Variants in ERC2 observed in about 807,000 individuals in gnomAD.
The protein encoded by ERC2 is ELKS/RAB6-interacting/CAST family member 2.
A neutral mutation model predicts 114.8 loss-of-function variants in ERC2; 42 were observed. The observed-to-expected ratio is 0.37, with a 90% CI of 0.29 to 0.47. The LOEUF is 0.47. Ranked by LOEUF, ERC2 falls within the 20% of genes least tolerant of loss-of-function variation. The pLI is 0.99. For synonymous variants in ERC2, 454 were observed against 425.5 expected (o/e 1.07, Z -0.82); for missense variants, 939 against 1,150.7 (o/e 0.82, Z 2.66).
intron 17 of ERC2, among the ~76,000 whole-genome samples, chr3:55,621,365 A>G (rs1025136931): frequency 1.3e-5 from 2 of 152,216 alleles, no homozygotes; most frequent in African/African-American, 4.8e-5. Context: ...ACACTCCCTC[A>G]TGAAAAGCAA....
intron 7 of ERC2, among the ~76,000 whole-genome samples, chr3:56,078,150 CTCTCT>C (rs1301633968): frequency 6.6e-6 from 1 of 152,188 alleles, no homozygotes; most frequent in Non-Finnish European, 1.5e-5. Context: ...CTCTCCTGAG[CTCTCT>C]TCTAAATTTC....
chr3:56,229,948 C>T (rs1236849021), intron 3 of ERC2, among the ~76,000 whole-genome samples: 2 of 148,346 alleles, frequency 1.3e-5, no homozygotes, highest in Non-Finnish European at 3.0e-5. Flanking sequence ...CTCAGCTCAC[C>T]TCCGCCTTCT....
intron 6 of ERC2, among the ~76,000 whole-genome samples, chr3:56,128,778 T>C (rs916996823): frequency 6.6e-6 from 1 of 152,126 alleles, no homozygotes; most frequent in Admixed American, 6.5e-5. Context: ...CTGACCCTTC[T>C]GGCCCTGGCA....
chr3:55,606,985 T>C (rs2058667500), intron 17 of ERC2: 2 of 152,524 alleles, frequency 1.3e-5, no homozygotes, highest in Admixed American at 6.5e-5. Context: ...ATGAAAATTA[T>C]GAAAATTATA....
At chr3:55,738,391 G>C (rs2065773825) in intron 14 of ERC2, among the ~76,000 whole-genome samples, 1 of 152,122 alleles carries the variant, frequency 6.6e-6, no homozygotes, top group Non-Finnish European at 1.5e-5. Flanking sequence ...ATTATTCTTA[G>C]AAAATATCCT....
intron 4 of ERC2, among the ~76,000 whole-genome samples, chr3:56,164,777 T>G (rs2082240354): frequency 6.6e-6 from 1 of 152,046 alleles, no homozygotes; most frequent in African/African-American, 2.4e-5. Context: ...TCTTTCTTAT[T>G]TTAGCCATCC....
intron 3 of ERC2, among the ~76,000 whole-genome samples, chr3:56,180,726 T>C (rs1157521007): frequency 6.6e-6 from 1 of 152,170 alleles, no homozygotes; most frequent in Non-Finnish European, 1.5e-5. Context: ...TAGAGATTGG[T>C]TGTACAACAA....
At chr3:56,060,135 C>T (rs1347012241) in intron 7 of ERC2, among the ~76,000 whole-genome samples, 1 of 152,184 alleles carries the variant, frequency 6.6e-6, no homozygotes, top group African/African-American at 2.4e-5. Context: ...AGTTCTATCT[C>T]TACTACACTG....
intron 2 of ERC2, among the ~76,000 whole-genome samples, chr3:56,397,674 G>C (rs1210588822): frequency 6.6e-6 from 1 of 152,146 alleles, no homozygotes; most frequent in Admixed American, 6.6e-5. Context: ...GTATTATTTA[G>C]GATAAGGTCC....
At chr3:55,520,178 C>T (rs952923329) in intron 17 of ERC2, among the ~76,000 whole-genome samples, 15 of 152,066 alleles carry the variant, frequency 9.9e-5, no homozygotes, top group African/African-American at 3.1e-4. Context: ...GGCAGCCAGG[C>T]GCAGTGGCAC....
At chr3:56,286,552 T>C (rs2054730681) in intron 3 of ERC2, among the ~76,000 whole-genome samples, 1 of 151,828 alleles carries the variant, frequency 6.6e-6, no homozygotes, top group Admixed American at 6.6e-5. Flanking sequence ...TTTTACCAAA[T>C]GTCTTGATTC....
rs1484331618 is a variant in ERC2, at chr3:56,134,489, C to T, written c.1473+5020G>A. ...TATTAATGTGAAGTTCTTGGAAATG[C>T]TCTAGAGCATCTATAAACTACCTGA... On this transcript the variant is annotated intron_variant, in intron 6 of 17. Coordinates refer to ENST00000288221, the MANE Select transcript of ERC2 (RefSeq NM_015576.3). 3.3e-5 allele frequency among the ~76,000 whole-genome samples: 5 copies of T among 152,100 alleles called. No individual in the cohort carries two copies. In the East Asian group the frequency reaches 9.6e-4, roughly 29 times the overall value.
At chr3:55,888,209 A>G (rs1299626858) in intron 14 of ERC2, among the ~76,000 whole-genome samples, 180 bp downstream of exon 14, 1 of 152,220 alleles carries the variant, frequency 6.6e-6, no homozygotes, top group East Asian at 1.9e-4. Context: ...GAAATGTGCA[A>G]ATTGAGACAC....
intron 13 of ERC2, among the ~76,000 whole-genome samples, chr3:55,892,960 G>A (rs2063681506): frequency 6.6e-6 from 1 of 152,046 alleles, no homozygotes; most frequent in Non-Finnish European, 1.5e-5. Flanking sequence ...TGAGACCTTT[G>A]GGAAATGATT....
At chr3:56,319,426 G>A (rs967148728) in intron 2 of ERC2, among the ~76,000 whole-genome samples, 2 of 152,126 alleles carry the variant, frequency 1.3e-5, no homozygotes, top group African/African-American at 4.8e-5. Flanking sequence ...CCACTGATAT[G>A]AGGAATCTAA....
At position 55,721,678 on chromosome 3, in the gene ERC2, G is replaced by A. The variant is rs189944085; in HGVS notation, c.2712+13093C>T. On this transcript the variant is annotated intron_variant, in intron 15 of 17. Transcript: ENST00000288221. ...CCTGAACCTTCTACTGCCTGCCAGGGCTCCCCTGGGGAGGTGGGTTGCCTT... is the reference window on the plus strand; with the variant it reads ...CCTGAACCTTCTACTGCCTGCCAGGACTCCCCTGGGGAGGTGGGTTGCCTT... 3.1e-4 allele frequency among the ~76,000 whole-genome samples: 47 copies of A among 152,330 alleles called. No homozygotes were observed. The East Asian group carries it at 7.5e-3, about 24-fold the overall frequency.
intron 14 of ERC2, among the ~76,000 whole-genome samples, chr3:55,876,722 G>A (rs1230325996): frequency 6.6e-6 from 1 of 152,292 alleles, no homozygotes; most frequent in African/African-American, 2.4e-5. Context: ...GAGCTAGACA[G>A]GATTATGTTG....
At chr3:56,051,067 C>T (rs1473275160) in intron 7 of ERC2, among the ~76,000 whole-genome samples, 3 of 152,182 alleles carry the variant, frequency 2.0e-5, no homozygotes, top group Admixed American at 6.5e-5. Flanking sequence ...CTGAAAAGTA[C>T]TTTCTACCCA....
intron 7 of ERC2, among the ~76,000 whole-genome samples, chr3:56,075,650 C>A (rs1405697972): frequency 6.6e-6 from 1 of 152,130 alleles, no homozygotes; most frequent in African/African-American, 2.4e-5. Context: ...TTCTTGAGGA[C>A]TGGAGATTGT....
Sources: gnomAD v4.1 joint callset for allele counts (sites outside exome capture counted in the v4.1 genomes callset) on GRCh38, gnomAD v4.1.1 for gene constraint, MANE v1.5 for transcripts, NCBI Gene and HGNC (gene_info 2026-07-23, HGNC 2026-07-21) for gene names.